The following INTS13 variants were observed in gnomAD, a reference collection of about 807,000 sequenced individuals.
INTS13 encodes integrator complex subunit 13.
INTS13 carries 35 observed loss-of-function variants against 90.2 expected under a neutral mutation model. The observed-to-expected ratio is 0.39, with a 90% CI of 0.30 to 0.51. The LOEUF (loss-of-function observed/expected upper bound fraction) is 0.51. Among genes scored for constraint, INTS13 ranks in the 20% least tolerant of loss-of-function variants. INTS13 has a pLI of 0.80. For missense variants in INTS13, 601 were observed against 851.2 expected, an observed-to-expected ratio of 0.71 and a Z score of 3.66; for synonymous variants, 309 against 277.1, an observed-to-expected ratio of 1.11 and a Z score of -1.14.
chr12:26,914,208 C>T (rs1196384073), intron 12 of INTS13, 80 bp from the exon 13 acceptor site: 8 of 1,334,508 alleles, frequency 6.0e-6, no homozygotes, highest in East Asian at 5.1e-5. Context: ...ACTTGATTTT[C>T]GAAAGGATTT....
At position 26,906,434 on chromosome 12, in the gene INTS13, G is replaced by A; in HGVS notation, c.1949C>T (p.Pro650Leu). The A allele has an allele frequency of 6.2e-7, 1 of 1,602,376 alleles. No homozygotes were observed. The highest frequency in any genetic ancestry group is 8.5e-7 in the Non-Finnish European group (1 of 1,175,970). Residue 650 changes from proline to leucine, a missense_variant, in exon 16 of 17, where the codon CCA becomes CTA. Pro to Leu is a moderately conservative substitution (Grantham distance 98). Around this residue, in one of 3 missense-constraint regions of INTS13, gnomAD observed 228 missense variants for 272.5 expected, o/e 0.84. Transcript: ENST00000261191. The stretch of plus-strand genomic sequence containing the variant: ...ACTCCACAAGGATAATAACGACACT[G>A]GCCCTAGTGTTATATTTAAAAGGAG... The part of the protein sequence containing the change: ...ETPQVEKSKG[P>L]VSLLSLWSNR...
In INTS13 at chr12:26,930,516, C is replaced by T. The variant is rs189921671; in HGVS notation, c.301-1611G>A. ...ACCAAAGCTAAACATTAAATATAGACAAGATTATACACAATTTATACAAAA... is the reference window on the plus strand; with the variant it reads ...ACCAAAGCTAAACATTAAATATAGATAAGATTATACACAATTTATACAAAA... On this transcript the variant is annotated intron_variant, in intron 3 of 16. Coordinates refer to ENST00000261191, the MANE Select transcript of INTS13 (RefSeq NM_018164.3). 2.9e-3 allele frequency among the ~76,000 whole-genome samples: 437 copies of T among 152,268 alleles called. 1 individual carries two copies. The highest frequency in any genetic ancestry group is 4.4e-3 in the Non-Finnish European group (299 of 67,994).
At chr12:26,913,135 A>C (rs1951834144) in intron 14 of INTS13, among the ~76,000 whole-genome samples, 1 of 152,216 alleles carries the variant, frequency 6.6e-6, no homozygotes, top group African/African-American at 2.4e-5. Flanking sequence ...GTAAATATTT[A>C]GTGAACAGAG....
intron 8 of INTS13, chr12:26,919,040 C>T: frequency 2.5e-6 from 1 of 400,194 alleles, no homozygotes; most frequent in South Asian, 1.8e-5. Flanking sequence ...GTGGTATGCA[C>T]CTGCAGTCCC....
chr12:26,934,262 C>T (rs1400605732), intron 3 of INTS13, among the ~76,000 whole-genome samples: 1 of 151,960 alleles, frequency 6.6e-6, no homozygotes, highest in South Asian at 2.1e-4. Flanking sequence ...AGCAAGACTC[C>T]GTCTCAAAAT....
At chr12:26,921,692 G>A (rs1952122420) in intron 8 of INTS13, among the ~76,000 whole-genome samples, 1 of 152,184 alleles carries the variant, frequency 6.6e-6, no homozygotes, top group Non-Finnish European at 1.5e-5. Context: ...GTCTCACCCT[G>A]TTGCCCAGGT....
In INTS13 at chr12:26,924,464, C is replaced by T. The variant is rs758084998; in HGVS notation, c.695G>A (p.Ser232Asn). 6.2e-7 allele frequency: 1 copy of T among 1,606,648 alleles called. No homozygotes were observed. Among genetic ancestry groups the T allele is most frequent in the South Asian group, 1.1e-5 (1 of 89,800 alleles). ...SKKELSPVLT[S>N]EVHSVRAGRH... Reference sequence around the variant, plus strand: ...TCCTGCACGAACACTATGAACTTCACTGGTTAAAACCGGGGACAACTACAG... The same window carrying T: ...TCCTGCACGAACACTATGAACTTCATTGGTTAAAACCGGGGACAACTACAG... Residue 232 changes from serine (S) to asparagine (N), a missense_variant, in exon 7 of 17, where the codon AGT becomes AAT. Ser to Asn is a conservative substitution (Grantham distance 46). This residue lies in a region of INTS13 where 284 missense variants were observed against 387.7 expected (regional missense o/e 0.73). Coordinates refer to ENST00000261191, the MANE Select transcript of INTS13 (RefSeq NM_018164.3).
chr12:26,929,358 T>G (rs1351407951), intron 3 of INTS13, among the ~76,000 whole-genome samples: 1 of 152,156 alleles, frequency 6.6e-6, no homozygotes, highest in Non-Finnish European at 1.5e-5. Flanking sequence ...CAAAGATGTT[T>G]ACTCTCATCA....
intron 10 of INTS13, 101 bp from the exon 11 acceptor site, chr12:26,916,281 C>G: frequency 4.6e-6 from 5 of 1,093,470 alleles, no homozygotes; most frequent in Non-Finnish European, 6.4e-6. Context: ...ATTTATTGAT[C>G]CCCGTATTTT....
rs1951857468 is a variant in INTS13 at position 26,913,785 on chromosome 12, CT to C, written c.1575-99del. The C allele has an allele frequency of 4.1e-6, 5 of 1,208,330 alleles. No individual in the cohort carries two copies. In the South Asian group the frequency reaches 7.2e-5, roughly 17 times the overall value. 74.9% of individuals were successfully genotyped at this position (1,208,330 alleles called of 1,614,324 possible). On this transcript the variant is annotated intron_variant, in intron 13 of 16. Coordinates refer to ENST00000261191, the MANE Select transcript of INTS13 (RefSeq NM_018164.3). ...ATAATGAAATGTGGACTTCCTTCCT[CT>C]TACTTGGTACTTAATAGTGAAATTC...
chr12:26,930,535 T>C (rs1938133006), intron 3 of INTS13, among the ~76,000 whole-genome samples: 1 of 152,246 alleles, frequency 6.6e-6, no homozygotes, highest in African/African-American at 2.4e-5. Context: ...ACACAATTTA[T>C]ACAAAATGTA....
chr12:26,913,449 G>A lies in INTS13; in HGVS notation c.1805+8C>T. ...CACCATGGTGCTATATCAATGCCAG[G>A]AAGTCACCTCTCTGAGTCTTGCCAA... On this transcript the variant is annotated splice_region_variant and intron_variant, in intron 14 of 16. Coordinates refer to ENST00000261191, the MANE Select transcript of INTS13 (RefSeq NM_018164.3). 1.2e-6 allele frequency: 2 copies of A among 1,611,224 alleles called. No homozygotes were observed. Among genetic ancestry groups the A allele is most frequent in the Non-Finnish European group, 1.7e-6 (2 of 1,177,480 alleles).
At chr12:26,920,012 C>A (rs1219136326) in intron 8 of INTS13, among the ~76,000 whole-genome samples, 1 of 151,822 alleles carries the variant, frequency 6.6e-6, no homozygotes, top group Admixed American at 6.6e-5. Flanking sequence ...CCTGTAGTCC[C>A]AACTACTCGG....
At chr12:26,934,237 C>G (rs1265111287) in intron 3 of INTS13, among the ~76,000 whole-genome samples, 2 of 151,990 alleles carry the variant, frequency 1.3e-5, no homozygotes, top group African/African-American at 4.8e-5. Context: ...CGCAATGCAC[C>G]CCAGTCTGGG....
intron 15 of INTS13, among the ~76,000 whole-genome samples, chr12:26,906,936 C>G (rs929686346): frequency 6.6e-6 from 1 of 152,134 alleles, no homozygotes; most frequent in Non-Finnish European, 1.5e-5. Context: ...GGGGGCTGAT[C>G]AGGTAGGTAT....
At chr12:26,918,712 A>G (rs1173012357) in intron 8 of INTS13, among the ~76,000 whole-genome samples, 1 of 152,250 alleles carries the variant, frequency 6.6e-6, no homozygotes, top group Non-Finnish European at 1.5e-5. Flanking sequence ...TAATCTAATA[A>G]TAATGAACAA....
At chr12:26,906,579 G>A (rs1488050) in intron 15 of INTS13, 142 bp from the exon 16 acceptor site, 435,750 of 857,008 alleles carry the variant, frequency 0.51, 113,251 homozygotes, top group East Asian at 0.78. Context: ...CATTTTACAC[G>A]ATTAAGGCAA....
At chr12:26,924,011 T>C (rs1177070831) in intron 7 of INTS13, among the ~76,000 whole-genome samples, 1 of 152,228 alleles carries the variant, frequency 6.6e-6, no homozygotes, top group Non-Finnish European at 1.5e-5. Context: ...TAGCATTTTA[T>C]TCTGTGATCC....
intron 7 of INTS13, among the ~76,000 whole-genome samples, chr12:26,923,672 T>C (rs1304216207): frequency 2.0e-5 from 3 of 152,144 alleles, no homozygotes; most frequent in Non-Finnish European, 4.4e-5. Context: ...AGCAATAGAT[T>C]CCTTAAAAAA....
Sources: allele counts gnomAD v4.1 joint callset (sites outside exome capture counted in the v4.1 genomes callset), GRCh38; gene constraint gnomAD v4.1.1; regional missense constraint gnomAD v4.1.1; transcripts MANE v1.5; gene names NCBI Gene and HGNC (gene_info 2026-07-23, HGNC 2026-07-21).